Variants in YBX1 observed in about 807,000 individuals in gnomAD.
YBX1 encodes the protein Y-box binding protein 1.
YBX1 carries 3 observed loss-of-function variants against 41.4 expected under a neutral mutation model. The ratio of observed to expected loss-of-function variants is 0.07; its 90% CI spans 0.03 to 0.19. YBX1 has a LOEUF of 0.19. Among genes scored for constraint, YBX1 ranks in the 10% least tolerant of loss-of-function variants. The pLI is 1.00. For missense variants in YBX1, 274 were observed against 462.8 expected, an observed-to-expected ratio of 0.59 and a Z score of 3.74; for synonymous variants, 133 against 165.8, an observed-to-expected ratio of 0.80 and a Z score of 1.52.
In YBX1 at chr1:42,696,522, C is replaced by CCGGGG; in HGVS notation, c.355-120_355-119insCGGGG. ...GGTCACGCAGTTGCGCCCCCCCCCC[C>CCGGGG]TTTTTTTTCCTTAACTTTGTTGTTT... On this transcript the variant is annotated intron_variant, in intron 4 of 7. Coordinates refer to ENST00000321358, the MANE Select transcript of YBX1 (RefSeq NM_004559.5). The surrounding 1 kb of genome is among the most constrained non-coding windows in gnomAD (Gnocchi z 5.7). 6 of 637,552 alleles carry CCGGGG rather than the reference C, an allele frequency of 9.4e-6. No individual in the cohort carries two copies. Among genetic ancestry groups the CCGGGG allele is most frequent in the Non-Finnish European group, 1.4e-5 (6 of 420,670 alleles). The allele number at this position is 637,552 out of a possible 1,614,324, so 39.5% of individuals were successfully genotyped here.
Position 42,688,066 on chromosome 1 carries a change from C to T in YBX1, c.230+4600C>T, listed in dbSNP as rs568057313. ...GATCTTAAGCTGGCAAGAAGTCATC[C>T]GTGTTCACCAAGTCACTGATACGTG... On this transcript the variant is annotated intron_variant, in intron 2 of 7. Coordinates refer to ENST00000321358, the MANE Select transcript of YBX1 (RefSeq NM_004559.5). 3.3e-5 allele frequency among the ~76,000 whole-genome samples: 5 copies of T among 152,168 alleles called. No homozygotes were observed. The East Asian group carries it at 7.7e-4, about 24-fold the overall frequency.
At chr1:42,697,755 A>C (rs1184600819) in intron 6 of YBX1, among the ~76,000 whole-genome samples, 1 of 152,156 alleles carries the variant, frequency 6.6e-6, no homozygotes, top group Non-Finnish European at 1.5e-5. Flanking sequence ...TGCGGGGGGA[A>C]ATCCAGTCTG....
intron 6 of YBX1, among the ~76,000 whole-genome samples, chr1:42,698,438 A>G (rs1314762334): frequency 1.3e-5 from 2 of 152,240 alleles, no homozygotes; most frequent in Non-Finnish European, 2.9e-5. Flanking sequence ...TGTTGAAGAT[A>G]GATGGGTTTT....
intron 2 of YBX1, among the ~76,000 whole-genome samples, chr1:42,683,784 G>A (rs1650122584): frequency 6.6e-6 from 1 of 152,224 alleles, no homozygotes; most frequent in Non-Finnish European, 1.5e-5. Flanking sequence ...CTACGGTCCA[G>A]TACATTTTTA....
At chr1:42,687,442 C>G (rs1007623556) in intron 2 of YBX1, among the ~76,000 whole-genome samples, 2 of 152,126 alleles carry the variant, frequency 1.3e-5, no homozygotes, top group Non-Finnish European at 2.9e-5. Flanking sequence ...CGCCACCACA[C>G]AGGCTAATTT....
chr1:42,687,370 G>A (rs554417272), intron 2 of YBX1, among the ~76,000 whole-genome samples: 21 of 151,510 alleles, frequency 1.4e-4, no homozygotes, highest in African/African-American at 3.9e-4. Flanking sequence ...CTGCAACTCC[G>A]CCTCCCAGGT....
rs1650459252 is a variant in YBX1 at position 42,696,433 on chromosome 1, C to T, written c.354+145C>T. 9 of 983,736 alleles carry T rather than the reference C, an allele frequency of 9.1e-6. No individual in the cohort carries two copies. In the South Asian group the frequency reaches 1.4e-4, roughly 15 times the overall value. 60.9% of individuals were successfully genotyped at this position (983,736 alleles called of 1,614,324 possible). On this transcript the variant is annotated intron_variant, in intron 4 of 7. Coordinates refer to ENST00000321358, the MANE Select transcript of YBX1 (RefSeq NM_004559.5). This position sits in a 1 kb window ranked among gnomAD's most constrained non-coding sequence, Gnocchi z 5.7. ...TGCATCAAGCCTAATGTTCTGGCTGCAGTTAGAGGGCAATCTCTTCAGAAC... is the reference window on the plus strand; with the variant it reads ...TGCATCAAGCCTAATGTTCTGGCTGTAGTTAGAGGGCAATCTCTTCAGAAC...
Position 42,696,511 on chromosome 1 carries a change from GC to G in YBX1, c.355-120del, listed in dbSNP as rs34273075. 31,431 of 462,350 alleles carry G rather than the reference GC, an allele frequency of 0.068. 964 individuals are homozygous for G. The highest frequency in any genetic ancestry group is 0.13 in the African/African-American group (5,524 of 42,936). The allele number at this position is 462,350 out of a possible 1,614,324, so 28.6% of individuals were successfully genotyped here. A position where few individuals can be genotyped will look rare whatever the true frequency, so the allele number is the denominator to read the frequency against. ...TGTGCACCCCTGGTCACGCAGTTGCGCCCCCCCCCCCTTTTTTTTCCTTAAC... is the reference window on the plus strand; with the variant it reads ...TGTGCACCCCTGGTCACGCAGTTGCGCCCCCCCCCCTTTTTTTTCCTTAAC... On this transcript the variant is annotated intron_variant, in intron 4 of 7. Coordinates refer to ENST00000321358, the MANE Select transcript of YBX1 (RefSeq NM_004559.5). The surrounding 1 kb of genome is among the most constrained non-coding windows in gnomAD (Gnocchi z 5.7).
chr1:42,685,666 T>C (rs1333083113), intron 2 of YBX1, among the ~76,000 whole-genome samples: 1 of 152,214 alleles, frequency 6.6e-6, no homozygotes, highest in Non-Finnish European at 1.5e-5. Context: ...GGTGCAGTGT[T>C]CGGGATGACT....
intron 2 of YBX1, among the ~76,000 whole-genome samples, chr1:42,685,407 G>A (rs1341754590): frequency 6.6e-6 from 1 of 152,162 alleles, no homozygotes; most frequent in Non-Finnish European, 1.5e-5. Flanking sequence ...TTATGCTTCT[G>A]AACTGGTTTT....
intron 2 of YBX1, among the ~76,000 whole-genome samples, chr1:42,689,332 G>A (rs1056325711): frequency 2.0e-5 from 3 of 152,144 alleles, no homozygotes; most frequent in African/African-American, 7.2e-5. Context: ...GTTGCTTTAG[G>A]TTATGGAGCA....
At chr1:42,691,216 A>G (rs2148737933) in intron 2 of YBX1, among the ~76,000 whole-genome samples, 1 of 152,340 alleles carries the variant, frequency 6.6e-6, no homozygotes, top group South Asian at 2.1e-4. Context: ...GGCCCTGGCT[A>G]AGTATTCCTT....
chr1:42,683,132 C>G (rs1433226589), intron 1 of YBX1: 6 of 622,768 alleles, frequency 9.6e-6, no homozygotes, highest in Admixed American at 2.2e-5. Flanking sequence ...AGCGGCTTCC[C>G]CTTCCCTCAC....
chr1:42,682,452 AG>A lies in YBX1; in HGVS notation c.-113del. 1 of 1,202,220 alleles carries A rather than the reference AG, an allele frequency of 8.3e-7. No homozygotes were observed. The highest frequency in any genetic ancestry group is 1.1e-6 in the Non-Finnish European group (1 of 939,006). The allele number at this position is 1,202,220 out of a possible 1,614,324, so 74.5% of individuals were successfully genotyped here. ...AGTTCGATCGGTAGCGGGAGCGGAG[AG>A]CGGACCCCAGAGAGCCCTGAGCAGC... is the stretch of plus-strand genomic sequence containing the variant. On this transcript the variant is annotated 5_prime_UTR_variant, in exon 1 of 8. Coordinates refer to ENST00000321358, the MANE Select transcript of YBX1 (RefSeq NM_004559.5).
chr1:42,683,600 T>C (rs960634723), intron 2 of YBX1, 134 bp downstream of exon 2: 2 of 941,320 alleles, frequency 2.1e-6, no homozygotes, highest in African/African-American at 3.4e-5. Flanking sequence ...TGTATTAGTA[T>C]GATTTTTTGT....
chr1:42,688,161 A>G (rs1057509846), intron 2 of YBX1, among the ~76,000 whole-genome samples: 3 of 152,180 alleles, frequency 2.0e-5, no homozygotes, highest in Non-Finnish European at 4.4e-5. Context: ...CTTGAAATCT[A>G]GGATAGAGAA....
At chr1:42,699,456 G>A (rs1022930616) in intron 6 of YBX1, among the ~76,000 whole-genome samples, 5 of 151,782 alleles carry the variant, frequency 3.3e-5, no homozygotes, top group African/African-American at 1.2e-4. Context: ...GCTCAGGTTG[G>A]GCAGAGAGTT....
rs887647386 is a variant in YBX1, at chr1:42,703,549, T to G, written c.*1600T>G. On this transcript the variant is annotated 3_prime_UTR_variant, in exon 8 of 8. Coordinates refer to ENST00000321358, the MANE Select transcript of YBX1 (RefSeq NM_004559.5). ...TGAGTTAGCCTATTTCTTGCTGGTG[T>G]TCATGAAAATACTGTGTTGGCAAGA... Among the ~76,000 whole-genome samples, 1 of 152,150 alleles carries G rather than the reference T, an allele frequency of 6.6e-6. No individual in the cohort carries two copies. Among genetic ancestry groups the G allele is most frequent in the African/African-American group, 2.4e-5 (1 of 41,422 alleles).
intron 3 of YBX1, among the ~76,000 whole-genome samples, chr1:42,694,669 C>T (rs1027428289): frequency 6.6e-6 from 1 of 152,114 alleles, no homozygotes; most frequent in African/African-American, 2.4e-5. Flanking sequence ...ACACCCAAAC[C>T]CAATCAGGTA....
Sources: gnomAD v4.1 joint callset for allele counts (sites outside exome capture counted in the v4.1 genomes callset) on GRCh38, gnomAD v4.1.1 for gene constraint, Gnocchi (gnomAD v3.1) non-coding constraint, MANE v1.5 for transcripts, NCBI Gene and HGNC (gene_info 2026-07-23, HGNC 2026-07-21) for gene names.